The following APTX variants were observed in gnomAD, a reference collection of about 807,000 sequenced individuals.
The protein encoded by APTX is forkhead-associated domain histidine triad-like protein.
APTX carries 33 observed loss-of-function variants against 42.3 expected under a neutral mutation model. The ratio of observed to expected loss-of-function variants is 0.78; its 90% CI spans 0.59 to 1.04. The LOEUF (loss-of-function observed/expected upper bound fraction) is 1.04. Ranked by LOEUF, APTX falls within the 50% of genes least tolerant of loss-of-function variation. The pLI, the probability that APTX is intolerant of heterozygous loss-of-function variation, is 0.00. For missense variants in APTX, 421 were observed against 415.1 expected, an observed-to-expected ratio of 1.01 and a Z score of -0.12; for synonymous variants, 130 against 146.7, an observed-to-expected ratio of 0.89 and a Z score of 0.82.
At chr9:33,002,346 C>T (rs1419430582), upstream of APTX, among the ~76,000 whole-genome samples, 6 of 152,156 alleles carry the variant, frequency 3.9e-5, no homozygotes, top group Non-Finnish European at 7.3e-5. Flanking sequence ...CTGCTAGGCC[C>T]ATCTGTGCAC....
chr9:33,003,498 G>A (rs140758066), upstream of APTX, among the ~76,000 whole-genome samples: 16 of 152,210 alleles, frequency 1.1e-4, no homozygotes, highest in African/African-American at 3.4e-4. Context: ...CTGGCGTGGC[G>A]GAACTCGCCT....
rs1286867166 is a variant in APTX at position 32,972,772 on chromosome 9, T to A, written c.*726A>T. The A allele has an allele frequency of 2.2e-6, 1 of 454,100 alleles. No homozygotes were observed. Among genetic ancestry groups the A allele is most frequent in the African/African-American group, 2.0e-5 (1 of 50,114 alleles). 28.1% of individuals were successfully genotyped at this position (454,100 alleles called of 1,614,324 possible). A position where few individuals can be genotyped will look rare whatever the true frequency, so the allele number is the denominator to read the frequency against. ...ACTTAAGAGAGATGCCTCAAACAAA[T>A]TAACTTTATTTTCAGACAACAGGTC... On this transcript the variant is annotated 3_prime_UTR_variant, in exon 8 of 8. Coordinates refer to ENST00000379817, the MANE Select transcript of APTX (RefSeq NM_001195248.2).
At chr9:32,985,220 T>G (rs112067508) in intron 5 of APTX, among the ~76,000 whole-genome samples, 79 of 152,298 alleles carry the variant, frequency 5.2e-4, no homozygotes, top group African/African-American at 1.8e-3. Flanking sequence ...CATGGCAGAC[T>G]GTGTGACACG....
intron 6 of APTX, among the ~76,000 whole-genome samples, chr9:32,983,281 G>GT (rs1435661429): frequency 6.6e-6 from 1 of 152,158 alleles, no homozygotes. Flanking sequence ...AGTATGCAAT[G>GT]TATGATTCCA....
Position 32,974,595 on chromosome 9 carries a change from T to C in APTX, c.771-34A>G, listed in dbSNP as rs568213627. 1.7e-5 allele frequency: 20 copies of C among 1,181,104 alleles called. No individual in the cohort carries two copies. In the South Asian group the frequency reaches 2.4e-4, roughly 14 times the overall value. The allele number at this position is 1,181,104 out of a possible 1,614,324, so 73.2% of individuals were successfully genotyped here. On this transcript the variant is annotated intron_variant, in intron 6 of 7. Transcript: ENST00000379817. ...AAGAAAAAAAAACTGAGCATTAAAC[T>C]CTTTAACAACTATGGCTTAATCAAA...
chr9:33,003,124 G>A (rs1340030610), upstream of APTX, among the ~76,000 whole-genome samples: 1 of 152,148 alleles, frequency 6.6e-6, no homozygotes, highest in Non-Finnish European at 1.5e-5. Flanking sequence ...TCGGTTAAGG[G>A]TGCTTCTTTG....
At chr9:32,988,008 C>T (rs1390927617) in intron 3 of APTX, 75 bp downstream of exon 3, 17 of 1,550,610 alleles carry the variant, frequency 1.1e-5, no homozygotes, top group Non-Finnish European at 1.4e-5. Context: ...CCTTCACTGG[C>T]TGGCACAGAC....
chr9:32,998,297 A>T (rs536913566), intron 1 of APTX, among the ~76,000 whole-genome samples: 2 of 152,308 alleles, frequency 1.3e-5, no homozygotes, highest in South Asian at 4.1e-4. Flanking sequence ...GGCAATGTGT[A>T]CAGAATGAAA....
chr9:32,981,177 C>T (rs2118559282), intron 6 of APTX, among the ~76,000 whole-genome samples: 1 of 152,282 alleles, frequency 6.6e-6, no homozygotes, highest in South Asian at 2.1e-4. Flanking sequence ...AAATGTCCTT[C>T]TCACAGGGGT....
chr9:32,998,703 C>T (rs1297825675), intron 1 of APTX, among the ~76,000 whole-genome samples: 2 of 151,722 alleles, frequency 1.3e-5, no homozygotes, highest in Non-Finnish European at 2.9e-5. Flanking sequence ...GGGAACATCA[C>T]ACACTGGGGC....
At chr9:33,023,696 G>C (rs989036078) in intron 1 of APTX, among the ~76,000 whole-genome samples, 2 of 152,218 alleles carry the variant, frequency 1.3e-5, no homozygotes, top group Non-Finnish European at 2.9e-5. Context: ...GCATACAAAG[G>C]TGAAAAGGCG....
chr9:32,974,962 G>A (rs1296634295), intron 6 of APTX, among the ~76,000 whole-genome samples: 1 of 152,170 alleles, frequency 6.6e-6, no homozygotes, highest in East Asian at 1.9e-4. Context: ...GTGCCCAGGG[G>A]TAGAAGCTGC....
At chr9:33,011,033 C>T (rs1587646756) in intron 1 of APTX, among the ~76,000 whole-genome samples, 2 of 151,850 alleles carry the variant, frequency 1.3e-5, no homozygotes, top group Middle Eastern at 6.8e-3. Flanking sequence ...ATCCCAGTTA[C>T]TTGGGAAGCT....
rs765099147 is a variant in APTX, at chr9:32,987,821, T to C, written c.206A>G (p.Asp69Gly). Residue 69 changes from aspartate (D) to glycine (G), a missense_variant, in exon 4 of 8, where the codon GAC becomes GGC. Asp to Gly is a moderately conservative substitution (Grantham distance 94). Coordinates refer to ENST00000379817, the MANE Select transcript of APTX (RefSeq NM_001195248.2). ...TTGGTCCTTCCCAATTACGACTGAG[T>C]CAATGCTGGTGGGATTGACTCCTAC... ...KQVGVNPTSI[D>G]SVVIGKDQEV... 6.2e-7 allele frequency: 1 copy of C among 1,613,578 alleles called. No homozygotes were observed. The highest frequency in any genetic ancestry group is 8.5e-7 in the Non-Finnish European group (1 of 1,180,020).
At position 32,973,122 on chromosome 9, in the gene APTX, T is replaced by C; in HGVS notation, c.*376A>G. The C allele has an allele frequency of 2.2e-6, 1 of 459,522 alleles. No individual in the cohort carries two copies. The highest frequency in any genetic ancestry group is 4.3e-6 in the Non-Finnish European group (1 of 230,552). The allele number at this position is 459,522 out of a possible 1,614,324, so 28.5% of individuals were successfully genotyped here. Reference sequence around the variant, plus strand: ...AGATGCTCTGATTAAAGGTTGTCCATGCCTACAGAGGCGGAGGATAAATCT... The same window carrying C: ...AGATGCTCTGATTAAAGGTTGTCCACGCCTACAGAGGCGGAGGATAAATCT... On this transcript the variant is annotated 3_prime_UTR_variant, in exon 8 of 8. Coordinates refer to ENST00000379817, the MANE Select transcript of APTX (RefSeq NM_001195248.2).
At chr9:33,010,592 G>A (rs1375699940) in intron 1 of APTX, among the ~76,000 whole-genome samples, 2 of 151,852 alleles carry the variant, frequency 1.3e-5, no homozygotes, top group Non-Finnish European at 2.9e-5. Flanking sequence ...GGTGGCAGGC[G>A]CCTGTAACCC....
chr9:32,973,746 A>C (rs988341243), intron 7 of APTX, 94 bp from the exon 8 acceptor site: 1 of 1,510,732 alleles, frequency 6.6e-7, no homozygotes, highest in Non-Finnish European at 9.1e-7. Flanking sequence ...ACGTGACTCC[A>C]ATCAGTATGC....
intron 6 of APTX, among the ~76,000 whole-genome samples, chr9:32,982,721 G>C (rs1288660024): frequency 1.3e-5 from 2 of 152,112 alleles, no homozygotes; most frequent in African/African-American, 4.8e-5. Flanking sequence ...TTCACTGTAG[G>C]AAAAAGGTAT....
At chr9:33,011,119 C>T (rs908607810) in intron 1 of APTX, among the ~76,000 whole-genome samples, 1 of 148,212 alleles carries the variant, frequency 6.7e-6, no homozygotes, top group Non-Finnish European at 1.5e-5. Context: ...CTACAGCCTG[C>T]GTGACAGAGT....
Sources: allele counts gnomAD v4.1 joint callset (sites outside exome capture counted in the v4.1 genomes callset), GRCh38; gene constraint gnomAD v4.1.1; transcripts MANE v1.5; gene names NCBI Gene and HGNC (gene_info 2026-07-23, HGNC 2026-07-21).